The following RAI1 variants were observed in gnomAD, a reference collection of about 807,000 sequenced individuals.
RAI1 encodes retinoic acid induced 1, also known as retinoic acid-induced protein 1.
In RAI1, 9 loss-of-function variants were observed where a neutral mutation model predicts 123.8. The observed-to-expected ratio is 0.07, with a 90% confidence interval of 0.04 to 0.13. The LOEUF (loss-of-function observed/expected upper bound fraction) is 0.13, where lower values mean the gene tolerates loss of function less well. Among genes scored for constraint, RAI1 ranks in the 10% least tolerant of loss-of-function variants. RAI1 has a pLI of 1.00. For missense variants in RAI1, 2,256 were observed against 2,545.8 expected (o/e 0.89, Z 2.45); for synonymous variants, 1,231 against 1,127.3 (o/e 1.09, Z -1.84).
intron 2 of RAI1, among the ~76,000 whole-genome samples, chr17:17,751,623 C>T (rs534773050): frequency 6.6e-6 from 1 of 152,346 alleles, no homozygotes; most frequent in East Asian, 1.9e-4. Flanking sequence ...TGCACCGTGG[C>T]CCCTTGCTCT....
chr17:17,782,533 C>A (rs945390735), intron 2 of RAI1, among the ~76,000 whole-genome samples: 1 of 147,202 alleles, frequency 6.8e-6, no homozygotes, highest in Admixed American at 6.8e-5. Context: ...CTGGCAGTGG[C>A]CCCCCGCCCG....
intron 2 of RAI1, among the ~76,000 whole-genome samples, chr17:17,756,716 T>A (rs575599239): frequency 6.6e-6 from 1 of 152,112 alleles, no homozygotes; most frequent in Non-Finnish European, 1.5e-5. Context: ...GTGAACAAAA[T>A]AGACCAAAAA....
At chr17:17,804,187 A>G (rs2032552045) in intron 4 of RAI1, 2 of 382,424 alleles carry the variant, frequency 5.2e-6, no homozygotes, top group Admixed American at 3.8e-5. Context: ...GGGGTATTGG[A>G]GGTTGGGCCT....
At chr17:17,779,832 T>A (rs1248031990) in intron 2 of RAI1, among the ~76,000 whole-genome samples, 1 of 146,808 alleles carries the variant, frequency 6.8e-6, no homozygotes, top group Non-Finnish European at 1.5e-5. Context: ...TGGAGTGCAG[T>A]GGCGCGATCT....
At chr17:17,792,071 G>A (rs534594721) in intron 2 of RAI1, among the ~76,000 whole-genome samples, 5 of 152,254 alleles carry the variant, frequency 3.3e-5, no homozygotes, top group East Asian at 1.9e-4. Flanking sequence ...TTCCGTGGCC[G>A]TGGCCCTGGG....
intron 2 of RAI1, among the ~76,000 whole-genome samples, chr17:17,786,246 C>G (rs919230801): frequency 6.6e-6 from 1 of 152,218 alleles, no homozygotes; most frequent in African/African-American, 2.4e-5. Context: ...CCCCTGATCT[C>G]CCGCTGCCTG....
chr17:17,750,578 G>A (rs1342387836), intron 2 of RAI1, among the ~76,000 whole-genome samples: 2 of 151,150 alleles, frequency 1.3e-5, no homozygotes, highest in African/African-American at 2.4e-5. Context: ...AAAATTAGCC[G>A]GGCATGGTGG....
intron 2 of RAI1, among the ~76,000 whole-genome samples, chr17:17,772,726 G>C (rs1277970887): frequency 2.0e-5 from 3 of 152,150 alleles, no homozygotes. Flanking sequence ...CTGCCCTCCT[G>C]TTCCCACTCA....
intron 2 of RAI1, among the ~76,000 whole-genome samples, chr17:17,790,041 G>C (rs1243832098): frequency 6.6e-6 from 1 of 152,088 alleles, no homozygotes; most frequent in African/African-American, 2.4e-5. Context: ...AGGGAGGGGG[G>C]TGCTCTTTCT....
At chr17:17,688,978 C>T (rs1214423387) in intron 1 of RAI1, among the ~76,000 whole-genome samples, 3 of 148,152 alleles carry the variant, frequency 2.0e-5, no homozygotes, top group Admixed American at 6.7e-5. Flanking sequence ...TTTTTTGAGC[C>T]GGAGTGTTGC....
chr17:17,681,589 G>C lies in RAI1; in HGVS notation c.-353G>C, dbSNP rs2142843412. 5.1e-6 allele frequency: 1 copy of C among 197,344 alleles called. No homozygotes were observed. The highest frequency in any genetic ancestry group is 1.3e-4 in the East Asian group (1 of 7,688). The allele number at this position is 197,344 out of a possible 1,614,324, so 12.2% of individuals were successfully genotyped here. On this transcript the variant is annotated 5_prime_UTR_variant, in exon 1 of 6. Coordinates refer to ENST00000353383, the MANE Select transcript of RAI1 (RefSeq NM_030665.4). ...AGAGACGAGTGGGAGAGCGAGTGCA[G>C]CGAGGGCGAGAGGCGAGCCGAGCAG...
chr17:17,699,477 C>T (rs1915141999), intron 1 of RAI1, among the ~76,000 whole-genome samples: 1 of 152,210 alleles, frequency 6.6e-6, no homozygotes, highest in African/African-American at 2.4e-5. Flanking sequence ...TTCATGCATT[C>T]ACTCATTCAT....
At chr17:17,789,815 G>A (rs1339534030) in intron 2 of RAI1, among the ~76,000 whole-genome samples, 1 of 152,212 alleles carries the variant, frequency 6.6e-6, no homozygotes, top group Non-Finnish European at 1.5e-5. Flanking sequence ...AGGTTGGGGA[G>A]AAACGGATGG....
intron 1 of RAI1, among the ~76,000 whole-genome samples, chr17:17,690,522 C>T (rs1914801034): frequency 6.6e-6 from 1 of 152,162 alleles, no homozygotes; most frequent in Non-Finnish European, 1.5e-5. Flanking sequence ...CCTCAAGCTC[C>T]CTAAGCCCGT....
rs779756426 is a variant in RAI1, at chr17:17,797,137, G to A, written c.4189G>A (p.Asp1397Asn). The A allele has an allele frequency of 5.0e-6, 8 of 1,614,030 alleles. No homozygotes were observed. The highest frequency in any genetic ancestry group is 6.8e-6 in the Non-Finnish European group (8 of 1,180,050). The change falls in exon 3 of 6, where the codon GAT becomes AAT. Residue 1397 changes from aspartate (D) to asparagine (N), a missense_variant. Asp to Asn is a conservative substitution (Grantham distance 23). Transcript: ENST00000353383. ...GCAGAAGCTCCCAACTTCTGGGGCTGATCCGTTATGCAGAAATCCAACCAA... is the reference window on the plus strand; with the variant it reads ...GCAGAAGCTCCCAACTTCTGGGGCTAATCCGTTATGCAGAAATCCAACCAA... ...TGQKLPTSGA[D>N]PLCRNPTNRS... is the part of the protein sequence containing the mutation.
intron 1 of RAI1, among the ~76,000 whole-genome samples, chr17:17,691,445 T>C (rs1914834260): frequency 1.3e-5 from 2 of 152,052 alleles, no homozygotes; most frequent in Admixed American, 1.3e-4. Context: ...ATTGCCTAGA[T>C]ATGGATTTAT....
At chr17:17,687,252 G>A (rs1914672944) in intron 1 of RAI1, among the ~76,000 whole-genome samples, 1 of 152,158 alleles carries the variant, frequency 6.6e-6, no homozygotes, top group South Asian at 2.1e-4. Flanking sequence ...CGAGCATGGG[G>A]TAGGGGGCAG....
chr17:17,782,735 G>C (rs1212581216), intron 2 of RAI1, among the ~76,000 whole-genome samples: 1 of 151,946 alleles, frequency 6.6e-6, no homozygotes, highest in Non-Finnish European at 1.5e-5. Flanking sequence ...AAGAGGTCTC[G>C]GCCTGGGGCC....
At chr17:17,752,939 G>A (rs1425664685) in intron 2 of RAI1, among the ~76,000 whole-genome samples, 1 of 152,254 alleles carries the variant, frequency 6.6e-6, no homozygotes, top group Non-Finnish European at 1.5e-5. Context: ...GTAGGTGCTC[G>A]GTTTGTGTTG....
Sources: allele counts gnomAD v4.1 joint callset (sites outside exome capture counted in the v4.1 genomes callset), GRCh38; gene constraint gnomAD v4.1.1; transcripts MANE v1.5; gene names NCBI Gene and HGNC (gene_info 2026-07-23, HGNC 2026-07-21).